ASXL3: variants seen among roughly 807,000 people sequenced by gnomAD.
ASXL3 encodes the protein ASXL transcriptional regulator 3.
Under a neutral mutation model 170.6 loss-of-function variants are expected in ASXL3, and 34 were observed. That is an observed-to-expected ratio of 0.20 (90% confidence interval 0.15 to 0.27). The LOEUF (loss-of-function observed/expected upper bound fraction) is 0.27, where lower values mean the gene tolerates loss of function less well. Ranked by LOEUF, ASXL3 falls within the 10% of genes least tolerant of loss-of-function variation. The probability of loss-of-function intolerance (pLI) is 1.00; values close to 1 mark genes in which losing one functional copy is unlikely to be tolerated. For missense variants in ASXL3, 2,592 were observed against 2,695.3 expected (o/e 0.96, Z 0.85); for synonymous variants, 1,002 against 989.1 (o/e 1.01, Z -0.24).
At chr18:33,602,933 A>T (rs112351297) in intron 1 of ASXL3, among the ~76,000 whole-genome samples, 1,814 of 152,240 alleles carry the variant, frequency 0.012, 11 homozygotes, top group Non-Finnish European at 0.019. Context: ...TACCTTGGAC[A>T]TGAGGCCCTA....
intron 8 of ASXL3, among the ~76,000 whole-genome samples, chr18:33,713,260 T>TTTG (rs1405207033): frequency 8.6e-6 from 1 of 116,086 alleles, no homozygotes; most frequent in Non-Finnish European, 1.8e-5. Context: ...TTTTTTTTTT[T>TTTG]TTTTTTTTTT....
chr18:33,660,908 C>T (rs1180533004), intron 4 of ASXL3, among the ~76,000 whole-genome samples: 3 of 152,044 alleles, frequency 2.0e-5, no homozygotes, highest in Non-Finnish European at 4.4e-5. Flanking sequence ...ACTTGGTCAC[C>T]CAAGTCAGTG....
chr18:33,704,183 T>A (rs768546966), intron 8 of ASXL3, among the ~76,000 whole-genome samples: 33 of 152,268 alleles, frequency 2.2e-4, no homozygotes, highest in Admixed American at 5.2e-4. Context: ...ATTAACGTCT[T>A]ATTTCTATGA....
intron 1 of ASXL3, among the ~76,000 whole-genome samples, chr18:33,584,633 A>C (rs2065020879): frequency 6.6e-6 from 1 of 152,198 alleles, no homozygotes; most frequent in Non-Finnish European, 1.5e-5. Context: ...AGTGAAAAAA[A>C]AATCAGTAAA....
At chr18:33,727,340 A>G (rs534793127) in intron 8 of ASXL3, among the ~76,000 whole-genome samples, 1 of 152,306 alleles carries the variant, frequency 6.6e-6, no homozygotes, top group South Asian at 2.1e-4. Flanking sequence ...TAAATATATT[A>G]TTGCACTGAA....
At chr18:33,646,201 TA>T in intron 3 of ASXL3, 43 bp from the exon 4 acceptor site, 1 of 1,488,888 alleles carries the variant, frequency 6.7e-7, no homozygotes, top group Non-Finnish European at 9.3e-7. Context: ...TTTTAGTTGC[TA>T]ATACATCTTC....
At position 33,646,227 on chromosome 18, in the gene ASXL3, C is replaced by T. The variant is rs1028253180; in HGVS notation, c.247-18C>T. ...AATACATCTTCTCCATAAATCATCA[C>T]TTTTCAAAATAATACAGAAAGAGGA... On this transcript the variant is annotated intron_variant, in intron 3 of 11. Coordinates refer to ENST00000269197, the MANE Select transcript of ASXL3 (RefSeq NM_030632.3). 3.8e-6 allele frequency: 6 copies of T among 1,599,156 alleles called. No individual in the cohort carries two copies. The Admixed American group carries it at 8.4e-5, about 23-fold the overall frequency.
At chr18:33,620,991 AT>A (rs2065503806) in intron 2 of ASXL3, among the ~76,000 whole-genome samples, 1 of 152,154 alleles carries the variant, frequency 6.6e-6, no homozygotes, top group Non-Finnish European at 1.5e-5. Context: ...TACTATCCCA[AT>A]TTTAAACCAT....
rs1207814482 is a variant in ASXL3 at position 33,578,358 on chromosome 18, T to A, written c.-274T>A. The A allele has an allele frequency of 7.4e-5, 6 of 80,876 alleles. No homozygotes were observed. The highest frequency in any genetic ancestry group is 4.8e-4 in the South Asian group (1 of 2,092). The allele number at this position is 80,876 out of a possible 1,614,324, so 5.0% of individuals were successfully genotyped here. ...CCGCCCCTGGCCCGGGCCCCGCTGCTGCCGCCGCCCCCGCCCCCGGCCCGC... is the reference window on the plus strand; with the variant it reads ...CCGCCCCTGGCCCGGGCCCCGCTGCAGCCGCCGCCCCCGCCCCCGGCCCGC... On this transcript the variant is annotated 5_prime_UTR_variant, in exon 1 of 12. Transcript: ENST00000269197.
chr18:33,682,939 G>A (rs1023771491), intron 7 of ASXL3, among the ~76,000 whole-genome samples: 2 of 152,154 alleles, frequency 1.3e-5, no homozygotes, highest in Non-Finnish European at 2.9e-5. Context: ...AGTGCTTAGT[G>A]CACTGCCTGA....
Position 33,683,541 on chromosome 18 carries a change from G to A in ASXL3, c.852G>A (p.Leu284=). Reference sequence around the variant, plus strand: ...CTCAGCATTTTCAACAATACCTCCTGCTTTTGCTCCCAGAAGTGGATAGGC... The same window carrying A: ...CTCAGCATTTTCAACAATACCTCCTACTTTTGCTCCCAGAAGTGGATAGGC... ...SLPQHFQQYL[L]LLLPEVDRQM... The change falls in exon 8 of 12, where the codon CTG becomes CTA. Residue 284 remains leucine (L), a synonymous_variant. Transcript: ENST00000269197. The A allele has an allele frequency of 6.2e-7, 1 of 1,612,888 alleles. No individual in the cohort carries two copies. Among genetic ancestry groups the A allele is most frequent in the South Asian group, 1.1e-5 (1 of 90,918 alleles).
intron 1 of ASXL3, among the ~76,000 whole-genome samples, chr18:33,604,607 C>G (rs8086965): frequency 2.0e-5 from 3 of 151,706 alleles, no homozygotes; most frequent in African/African-American, 7.3e-5. Context: ...CTGGACAAAG[C>G]CCCCCAAGGA....
chr18:33,622,246 C>T (rs116870639), intron 2 of ASXL3, among the ~76,000 whole-genome samples: 3,374 of 152,208 alleles, frequency 0.022, 53 homozygotes, highest in Non-Finnish European at 0.034. Context: ...GTAATTAATT[C>T]ATTATGTGTT....
At chr18:33,599,783 T>G (rs1194062585) in intron 1 of ASXL3, among the ~76,000 whole-genome samples, 1 of 152,124 alleles carries the variant, frequency 6.6e-6, no homozygotes, top group Non-Finnish European at 1.5e-5. Flanking sequence ...ATAACTGGAT[T>G]AAACAAACAC....
intron 5 of ASXL3, among the ~76,000 whole-genome samples, chr18:33,668,427 CA>C (rs11288492): frequency 0.48 from 55,123 of 115,716 alleles, 10,823 homozygotes; most frequent in East Asian, 0.76. Context: ...GACTCCATCT[CA>C]AAAAAAAAAA....
chr18:33,602,547 G>C (rs1482546498), intron 1 of ASXL3, among the ~76,000 whole-genome samples: 1 of 152,100 alleles, frequency 6.6e-6, no homozygotes, highest in Non-Finnish European at 1.5e-5. Context: ...AAGAGTAGTA[G>C]AAATAGGGAA....
chr18:33,661,546 A>G (rs2066173725), intron 4 of ASXL3, 70 bp from the exon 5 acceptor site: 1 of 1,441,714 alleles, frequency 6.9e-7, no homozygotes, highest in Admixed American at 2.2e-5. Context: ...AAAAGCTCCA[A>G]GTGTGTAATT....
At chr18:33,721,796 GT>G (rs572569655) in intron 8 of ASXL3, among the ~76,000 whole-genome samples, 4 of 151,754 alleles carry the variant, frequency 2.6e-5, no homozygotes, top group East Asian at 1.9e-4. Context: ...CACAAATACT[GT>G]TTTTTTTATA....
chr18:33,604,729 C>T (rs968522443), intron 1 of ASXL3, among the ~76,000 whole-genome samples: 6 of 151,974 alleles, frequency 3.9e-5, no homozygotes, highest in Non-Finnish European at 7.4e-5. Flanking sequence ...TCAACATGAA[C>T]AGCTCTGCAT....
Sources: allele counts gnomAD v4.1 joint callset (sites outside exome capture counted in the v4.1 genomes callset), GRCh38; gene constraint gnomAD v4.1.1; transcripts MANE v1.5; gene names NCBI Gene and HGNC (gene_info 2026-07-23, HGNC 2026-07-21).